IPCEF1: variants seen among roughly 807,000 people sequenced by gnomAD.
IPCEF1 encodes the protein interaction protein for cytohesin exchange factors 1, also known as interactor protein for cytohesin exchange factors 1.
Under a neutral mutation model 50.9 loss-of-function variants are expected in IPCEF1, and 31 were observed. The ratio of observed to expected loss-of-function variants is 0.61; its 90% CI spans 0.46 to 0.82. IPCEF1 has a LOEUF of 0.82. Ranked by LOEUF, IPCEF1 falls within the 40% of genes least tolerant of loss-of-function variation. The probability of loss-of-function intolerance (pLI) is 0.00; values close to 1 mark genes in which losing one functional copy is unlikely to be tolerated. For missense variants in IPCEF1, 458 were observed against 514.0 expected (o/e 0.89, Z 1.05); for synonymous variants, 181 against 192.0 (o/e 0.94, Z 0.47).
intron 10 of IPCEF1, among the ~76,000 whole-genome samples, chr6:154,185,471 G>A (rs1215434336): frequency 6.6e-6 from 1 of 152,132 alleles, no homozygotes; most frequent in Admixed American, 6.5e-5. Context: ...TTACAAATCA[G>A]TTCAGTGTTA....
At chr6:154,355,677 CG>C (rs1784204641) in intron 1 of IPCEF1, among the ~76,000 whole-genome samples, 1 of 151,872 alleles carries the variant, frequency 6.6e-6, no homozygotes, top group Non-Finnish European at 1.5e-5. Context: ...TTAGTAGAGA[CG>C]GGGTTTCATC....
intron 1 of IPCEF1, among the ~76,000 whole-genome samples, chr6:154,327,857 T>C (rs1221279829): frequency 6.6e-6 from 1 of 152,210 alleles, no homozygotes; most frequent in Non-Finnish European, 1.5e-5. Context: ...AAAGAAAATG[T>C]GGTCCATATA....
At chr6:154,291,454 G>C (rs1035486948) in intron 1 of IPCEF1, among the ~76,000 whole-genome samples, 10 of 151,932 alleles carry the variant, frequency 6.6e-5, no homozygotes, top group African/African-American at 2.4e-4. Flanking sequence ...ACTATAGAAA[G>C]CTTGTAGGAA....
chr6:154,244,498 C>A (rs539928267), intron 5 of IPCEF1, among the ~76,000 whole-genome samples: 3 of 152,284 alleles, frequency 2.0e-5, no homozygotes, highest in South Asian at 4.1e-4. Flanking sequence ...GCTTTGCAAC[C>A]TGAATATTGC....
chr6:154,171,868 T>A (rs1234784296), intron 10 of IPCEF1, among the ~76,000 whole-genome samples: 2 of 152,170 alleles, frequency 1.3e-5, no homozygotes, highest in East Asian at 3.8e-4. Context: ...TTTAAAAAAA[T>A]ACAGCTAACA....
At chr6:154,340,041 T>C (rs1047040816) in intron 1 of IPCEF1, among the ~76,000 whole-genome samples, 1 of 151,808 alleles carries the variant, frequency 6.6e-6, no homozygotes, top group Non-Finnish European at 1.5e-5. Flanking sequence ...TATTGCAGAG[T>C]AGCAGCTGAA....
chr6:154,308,317 T>C (rs776059726), intron 1 of IPCEF1, among the ~76,000 whole-genome samples: 1 of 152,168 alleles, frequency 6.6e-6, no homozygotes, highest in African/African-American at 2.4e-5. Flanking sequence ...TTTGTTTTTT[T>C]TCGCAGTGTT....
chr6:154,302,009 T>C (rs1429180792), intron 1 of IPCEF1, among the ~76,000 whole-genome samples: 1 of 152,210 alleles, frequency 6.6e-6, no homozygotes, highest in East Asian at 1.9e-4. Flanking sequence ...ATTTGCTGAT[T>C]CCTTGTTGTG....
intron 10 of IPCEF1, among the ~76,000 whole-genome samples, chr6:154,175,178 TA>T (rs1800207910): frequency 6.6e-6 from 1 of 152,196 alleles, no homozygotes; most frequent in Admixed American, 6.5e-5. Context: ...AAGCAGTGTT[TA>T]GAGGGAAATT....
intron 9 of IPCEF1, among the ~76,000 whole-genome samples, chr6:154,204,517 A>T (rs531485518): frequency 3.3e-5 from 5 of 152,330 alleles, no homozygotes; most frequent in Non-Finnish European, 4.4e-5. Flanking sequence ...TATTTCTCCT[A>T]TATGCCAGGA....
chr6:154,256,324 T>A (rs1052361690), intron 3 of IPCEF1, among the ~76,000 whole-genome samples: 9 of 152,162 alleles, frequency 5.9e-5, no homozygotes, highest in Non-Finnish European at 1.3e-4. Context: ...ATGACCTAAT[T>A]AACTCTCAAA....
At chr6:154,174,648 A>G (rs1031079302) in intron 10 of IPCEF1, among the ~76,000 whole-genome samples, 3 of 152,216 alleles carry the variant, frequency 2.0e-5, no homozygotes, top group Non-Finnish European at 4.4e-5. Context: ...TGCACCCAAT[A>G]CAGGAGCACC....
chr6:154,335,178 T>A (rs1467873039), intron 1 of IPCEF1, among the ~76,000 whole-genome samples: 1 of 151,434 alleles, frequency 6.6e-6, no homozygotes, highest in Admixed American at 6.6e-5. Context: ...AATAAAAAGA[T>A]AATGTCTATC....
At chr6:154,297,166 A>C (rs1782686128) in intron 1 of IPCEF1, among the ~76,000 whole-genome samples, 1 of 151,916 alleles carries the variant, frequency 6.6e-6, no homozygotes, top group Non-Finnish European at 1.5e-5. Context: ...AGCCTCACTG[A>C]GTAGCTGGGA....
chr6:154,281,835 T>C (rs1782220895), intron 2 of IPCEF1, among the ~76,000 whole-genome samples: 1 of 152,254 alleles, frequency 6.6e-6, no homozygotes, highest in East Asian at 1.9e-4. Context: ...AAACCACGTC[T>C]CTACTAAAAA....
At chr6:154,181,781 A>G (rs1800897186) in intron 10 of IPCEF1, among the ~76,000 whole-genome samples, 1 of 152,238 alleles carries the variant, frequency 6.6e-6, no homozygotes, top group South Asian at 2.1e-4. Context: ...GCAATCTAGG[A>G]CACAAACCAC....
chr6:154,203,047 T>C (rs2128594897), intron 9 of IPCEF1, among the ~76,000 whole-genome samples: 1 of 152,296 alleles, frequency 6.6e-6, no homozygotes, highest in South Asian at 2.1e-4. Context: ...TTATAGACCG[T>C]GTAGTGCTAA....
intron 1 of IPCEF1, among the ~76,000 whole-genome samples, chr6:154,298,676 C>A (rs903809714): frequency 6.6e-6 from 1 of 152,102 alleles, no homozygotes; most frequent in African/African-American, 2.4e-5. Context: ...AGGTTACCAA[C>A]ATTATGGCTG....
rs765135787 is a variant in IPCEF1 at position 154,246,745 on chromosome 6, C to T, written c.92G>A (p.Ser31Asn). ...RRKTQGFLTMSRRRISCKDLG... is the reference protein window; with the variant it reads ...RRKTQGFLTMNRRRISCKDLG... Reference sequence around the variant, plus strand: ...ATCTTTACACGATATCCTCCTCCGACTCATCGTGAGAAAACCTGCAATGAT... The same window carrying T: ...ATCTTTACACGATATCCTCCTCCGATTCATCGTGAGAAAACCTGCAATGAT... Residue 31 changes from serine to asparagine, a missense_variant, in exon 5 of 12, where the codon AGT becomes AAT. By Grantham distance (46) the Ser-to-Asn change is conservative (BLOSUM62 1). Coordinates refer to ENST00000367220, the MANE Select transcript of IPCEF1 (RefSeq NM_001130700.2). 3 of 1,613,794 alleles carry T rather than the reference C, an allele frequency of 1.9e-6. No individual in the cohort carries two copies. Among genetic ancestry groups the T allele is most frequent in the Admixed American group, 1.7e-5 (1 of 59,966 alleles).
Sources: gnomAD v4.1 joint callset for allele counts (sites outside exome capture counted in the v4.1 genomes callset) on GRCh38, gnomAD v4.1.1 for gene constraint, MANE v1.5 for transcripts, NCBI Gene and HGNC (gene_info 2026-07-23, HGNC 2026-07-21) for gene names.